Variants in CNTN4 observed in about 807,000 individuals in gnomAD.
CNTN4 encodes the protein contactin-4.
CNTN4 carries 77 observed loss-of-function variants against 122.5 expected under a neutral mutation model. The ratio of observed to expected loss-of-function variants is 0.63; its 90% confidence interval spans 0.52 to 0.76. The LOEUF (loss-of-function observed/expected upper bound fraction) is 0.76, where lower values mean the gene tolerates loss of function less well. CNTN4 is among the 30% of genes least tolerant of loss of function. The probability of loss-of-function intolerance (pLI) is 0.00; values close to 1 mark genes in which losing one functional copy is unlikely to be tolerated. For missense variants in CNTN4, 1,256 were observed against 1,259.1 expected, an observed-to-expected ratio of 1.00 and a Z score of 0.04; for synonymous variants, 512 against 447.0, an observed-to-expected ratio of 1.15 and a Z score of -1.83.
chr3:2,141,756 A>C (rs890128749), intron 2 of CNTN4, among the ~76,000 whole-genome samples: 1 of 152,076 alleles, frequency 6.6e-6, no homozygotes, highest in Non-Finnish European at 1.5e-5. Flanking sequence ...CAGGTTTACT[A>C]CAAGCAGAAT....
chr3:2,623,793 C>T (rs907201732), intron 4 of CNTN4, among the ~76,000 whole-genome samples: 1 of 152,054 alleles, frequency 6.6e-6, no homozygotes. Context: ...CAGAGTGTCC[C>T]CTGACTAGGA....
chr3:2,158,972 T>A (rs550662323), intron 2 of CNTN4, among the ~76,000 whole-genome samples: 4 of 152,316 alleles, frequency 2.6e-5, no homozygotes, highest in East Asian at 1.9e-4. Context: ...TGAGCCAGAT[T>A]TGACTCACAG....
At chr3:2,608,265 C>T (rs1473116089) in intron 4 of CNTN4, among the ~76,000 whole-genome samples, 1 of 152,146 alleles carries the variant, frequency 6.6e-6, no homozygotes, top group African/African-American at 2.4e-5. Flanking sequence ...TGCCCAAGTC[C>T]ACTTATATGA....
rs374620578 is a variant in CNTN4 at position 2,634,750 on chromosome 3, G to A, written c.55+63192G>A. Among the ~76,000 whole-genome samples, 8 of 151,510 alleles carry A rather than the reference G, an allele frequency of 5.3e-5. No individual in the cohort carries two copies. The South Asian group carries it at 1.7e-3, about 32-fold the overall frequency. The stretch of plus-strand genomic sequence containing the variant: ...ATGCACCTGTAGTCCCACCTACTCC[G>A]GAGGCTGAGGCAGGAGAATCGCTTG... On this transcript the variant is annotated intron_variant, in intron 4 of 24. Coordinates refer to ENST00000418658, the MANE Select transcript of CNTN4 (RefSeq NM_175607.3).
intron 13 of CNTN4, among the ~76,000 whole-genome samples, chr3:2,977,423 T>A (rs1219760301): frequency 6.6e-6 from 1 of 152,142 alleles, no homozygotes; most frequent in Admixed American, 6.5e-5. Flanking sequence ...CAGGCCCTAA[T>A]CTTTTTTTTC....
At chr3:2,890,746 C>T (rs1306436670) in intron 10 of CNTN4, among the ~76,000 whole-genome samples, 1 of 152,196 alleles carries the variant, frequency 6.6e-6, no homozygotes, top group African/African-American at 2.4e-5. Context: ...TTACCCTGTG[C>T]TACTCATGTT....
chr3:3,037,086 A>AGGAT, intron 17 of CNTN4, 93 bp from the exon 18 acceptor site: 8 of 1,392,758 alleles, frequency 5.7e-6, no homozygotes, highest in Non-Finnish European at 8.2e-6. Flanking sequence ...AATAATGATG[A>AGGAT]GGATGGATGG....
In CNTN4 at chr3:2,938,495, A is replaced by C. The variant is rs146999182; in HGVS notation, c.1358+12716A>C. On this transcript the variant is annotated intron_variant, in intron 13 of 24. Transcript: ENST00000418658. ...ACCTTACTTAAGGTTGCAAAGCTTG[A>C]TAATGTTAAATCTGGAATTCAAATC... Among the ~76,000 whole-genome samples the C allele has an allele frequency of 4.3e-3, 657 of 152,340 alleles. 7 individuals are homozygous for C. The highest frequency in any genetic ancestry group is 0.015 in the African/African-American group (630 of 41,580).
chr3:2,780,916 C>T (rs1576765026), intron 6 of CNTN4, among the ~76,000 whole-genome samples: 4 of 152,250 alleles, frequency 2.6e-5, no homozygotes, highest in Admixed American at 2.6e-4. Context: ...TCTCACAATT[C>T]CAAACCCAAG....
intron 12 of CNTN4, among the ~76,000 whole-genome samples, chr3:2,906,862 A>G (rs996609675): frequency 7.9e-5 from 12 of 151,802 alleles, no homozygotes; most frequent in African/African-American, 2.9e-4. Context: ...AAAAAAAAGA[A>G]AAAGAGAAAA....
chr3:2,724,441 A>T (rs138324696), intron 4 of CNTN4, among the ~76,000 whole-genome samples: 2 of 152,330 alleles, frequency 1.3e-5, no homozygotes, highest in East Asian at 3.9e-4. Context: ...TTCACACCAG[A>T]AAGAAAAGCA....
chr3:2,773,389 T>G (rs535604115), intron 6 of CNTN4, among the ~76,000 whole-genome samples: 1 of 152,304 alleles, frequency 6.6e-6, no homozygotes, highest in African/African-American at 2.4e-5. Flanking sequence ...TATTCAATGA[T>G]ATATTAACTT....
intron 2 of CNTN4, among the ~76,000 whole-genome samples, chr3:2,106,687 A>T (rs889131488): frequency 6.6e-6 from 1 of 152,164 alleles, no homozygotes; most frequent in African/African-American, 2.4e-5. Flanking sequence ...TGCCGCCAAG[A>T]TCTCTGTCAT....
rs530201716 is a variant in CNTN4 at position 2,873,365 on chromosome 3, A to G, written c.652+6416A>G. 5.3e-5 allele frequency among the ~76,000 whole-genome samples: 8 copies of G among 152,328 alleles called. No individual in the cohort carries two copies. The South Asian group carries it at 1.0e-3, about 20-fold the overall frequency. On this transcript the variant is annotated intron_variant, in intron 8 of 24. Coordinates refer to ENST00000418658, the MANE Select transcript of CNTN4 (RefSeq NM_175607.3). ...TGCTGCTCATTGAATCCGATTTCTC[A>G]TCAATGCTGACAGCTGATCCCTGCA...
At chr3:2,380,743 G>A (rs955535550) in intron 3 of CNTN4, among the ~76,000 whole-genome samples, 8 of 150,896 alleles carry the variant, frequency 5.3e-5, no homozygotes, top group African/African-American at 9.8e-5. Flanking sequence ...ACATAAGAAC[G>A]AATAACTTAT....
At chr3:2,521,343 T>TCGCCCCCCCCCCCCCCCCCCCCCCC (rs781282977) in intron 3 of CNTN4, among the ~76,000 whole-genome samples, 1 of 128,310 alleles carries the variant, frequency 7.8e-6, no homozygotes, top group African/African-American at 3.1e-5. Context: ...CCTCTACCCA[T>TCGCCCCCCCCCCCCCCCCCCCCCCC]CCCCCCCACC....
Position 2,316,319 on chromosome 3 carries a change from C to T in CNTN4, c.-144-22859C>T, listed in dbSNP as rs11921998. ...ATGTGTTTTTAAAGACATGCTTTAT[C>T]AAGATGTATTTGAGGCATTTCCCCC... On this transcript the variant is annotated intron_variant, in intron 2 of 24. Transcript: ENST00000418658. 7.9e-3 allele frequency among the ~76,000 whole-genome samples: 1,204 copies of T among 152,032 alleles called. 19 individuals are homozygous for T. The highest frequency in any genetic ancestry group is 0.028 in the African/African-American group (1,150 of 41,504).
In CNTN4 at chr3:3,030,789, T is replaced by C. The variant is rs2125674196; in HGVS notation, c.1663-66T>C. 3 of 1,552,368 alleles carry C rather than the reference T, an allele frequency of 1.9e-6. No homozygotes were observed. In the African/African-American group the frequency reaches 4.1e-5, roughly 21 times the overall value. On this transcript the variant is annotated intron_variant, in intron 15 of 24. Transcript: ENST00000418658. ...ATAAATCCATTAGTCACCGTGTCCT[T>C]CATGTGATAATGATATTTAGAGCTC...
At chr3:2,187,039 C>G (rs2037303612) in intron 2 of CNTN4, among the ~76,000 whole-genome samples, 1 of 152,142 alleles carries the variant, frequency 6.6e-6, no homozygotes, top group African/African-American at 2.4e-5. Context: ...AGGTTTTCTT[C>G]TAAGGTTTTT....
Sources: gnomAD v4.1 joint callset for allele counts (sites outside exome capture counted in the v4.1 genomes callset) on GRCh38, gnomAD v4.1.1 for gene constraint, MANE v1.5 for transcripts, NCBI Gene and HGNC (gene_info 2026-07-23, HGNC 2026-07-21) for gene names.